The following BRPF1 variants were observed in gnomAD, a reference collection of about 807,000 sequenced individuals.
BRPF1 encodes peregrin.
BRPF1 carries 15 observed loss-of-function variants against 115.0 expected under a neutral mutation model. The observed-to-expected ratio is 0.13, with a 90% CI of 0.09 to 0.20. The LOEUF is 0.20. Among genes scored for constraint, BRPF1 ranks in the 10% least tolerant of loss-of-function variants. BRPF1 has a pLI of 1.00. For synonymous variants in BRPF1, 647 were observed against 619.8 expected (o/e 1.04, Z -0.65); for missense variants, 1,118 against 1,638.3 (o/e 0.68, Z 5.48).
rs752888049 is a variant in BRPF1 at position 9,746,314 on chromosome 3, G to A, written c.3339G>A (p.Lys1113=). Residue 1113 remains lysine (K), a synonymous_variant, in exon 13 of 14, where the codon AAG becomes AAA. Coordinates refer to ENST00000383829, the MANE Select transcript of BRPF1 (RefSeq NM_001003694.2). ...TATATCCTCAGATCATTGATCCAAA[G>A]ATGCCCCGAGAAGGTATGTTCCACC... The part of the protein sequence containing the change: ...PSYPALIIDP[K]MPREGMFHHG... 10 of 1,569,394 alleles carry A rather than the reference G, an allele frequency of 6.4e-6. No individual in the cohort carries two copies. In the African/African-American group the frequency reaches 1.4e-4, roughly 21 times the overall value.
chr3:9,741,211 T>G lies in BRPF1; in HGVS notation c.1723-97T>G, dbSNP rs1373864547. 3.5e-6 allele frequency: 5 copies of G among 1,428,022 alleles called. No homozygotes were observed. The African/African-American group carries it at 5.7e-5, about 16-fold the overall frequency. The allele number at this position is 1,428,022 out of a possible 1,614,324, so 88.5% of individuals were successfully genotyped here. On this transcript the variant is annotated intron_variant, in intron 4 of 13. Coordinates refer to ENST00000383829, the MANE Select transcript of BRPF1 (RefSeq NM_001003694.2). ...ACTACCAATAAATTACTGTGCTCCC[T>G]CTTTTGGCTTGACCTGAGTTTCCTG...
At chr3:9,740,653 A>G in intron 3 of BRPF1, 126 bp from the exon 4 acceptor site, 1 of 1,237,818 alleles carries the variant, frequency 8.1e-7, no homozygotes, top group Non-Finnish European at 1.1e-6. Context: ...CCAGAGTCCC[A>G]GGCCTTTTGG....
Position 9,747,160 on chromosome 3 carries a change from C to T in BRPF1, c.3480-6C>T, listed in dbSNP as rs1380229330. The stretch of plus-strand genomic sequence containing the variant: ...TGATTTATTTGATCTTCACCTTATC[C>T]TATAGGCAGTGGCTGCCCAGGACCA... On this transcript the variant is annotated splice_polypyrimidine_tract_variant and splice_region_variant and intron_variant, in intron 13 of 13. Transcript: ENST00000383829. This position sits in a 1 kb window ranked among gnomAD's most constrained non-coding sequence, Gnocchi z 5.6. 2 of 1,614,070 alleles carry T rather than the reference C, an allele frequency of 1.2e-6. No homozygotes were observed. Among genetic ancestry groups the T allele is most frequent in the East Asian group, 2.2e-5 (1 of 44,874 alleles).
intron 2 of BRPF1, among the ~76,000 whole-genome samples, chr3:9,735,261 C>T (rs576626034): frequency 6.6e-6 from 1 of 152,262 alleles, no homozygotes; most frequent in African/African-American, 2.4e-5. Context: ...GATCCACCCA[C>T]CTCAGCCTCC....
At position 9,745,141 on chromosome 3, in the gene BRPF1, T is replaced by C. The variant is rs2077101229; in HGVS notation, c.3054T>C (p.Ala1018=). 5 of 1,614,154 alleles carry C rather than the reference T, an allele frequency of 3.1e-6. No individual in the cohort carries two copies. In the African/African-American group the frequency reaches 6.7e-5, roughly 22 times the overall value. Residue 1018 remains alanine (A), a synonymous_variant, in exon 10 of 14, where the codon GCT becomes GCC. Coordinates refer to ENST00000383829, the MANE Select transcript of BRPF1 (RefSeq NM_001003694.2). The surrounding 1 kb of genome is among the most constrained non-coding windows in gnomAD (Gnocchi z 5.1). ...ESSSSSSSSA[A]SDRTSTTPSK... ...GCAGCAGTAGCAGTAGCAGCGCTGC[T>C]TCAGACCGGACCAGGTACCAGCCCT...
rs971945646 is a variant in BRPF1 at position 9,734,430 on chromosome 3, G to A, written c.290G>A (p.Arg97His). Residue 97 changes from arginine (R) to histidine (H), a missense_variant, in exon 2 of 14, where the codon CGC becomes CAC. Coordinates refer to ENST00000383829, the MANE Select transcript of BRPF1 (RefSeq NM_001003694.2). This position sits in a 1 kb window ranked among gnomAD's most constrained non-coding sequence, Gnocchi z 5.7. Reference protein sequence around the residue: ...REVMSYAQAQRMVEVDLHGRV... With the variant: ...REVMSYAQAQHMVEVDLHGRV... ...GTGATGAGCTATGCACAGGCCCAGC[G>A]CATGGTGGAGGTGGACTTGCATGGC... 2 of 1,614,094 alleles carry A rather than the reference G, an allele frequency of 1.2e-6. No homozygotes were observed. Among genetic ancestry groups the A allele is most frequent in the Non-Finnish European group, 1.7e-6 (2 of 1,180,034 alleles).
In BRPF1 at chr3:9,739,560, C is replaced by T. The variant is rs1486185280; in HGVS notation, c.1161C>T (p.Tyr387=). Residue 387 remains tyrosine (Y), a synonymous_variant, in exon 3 of 14, where the codon TAC becomes TAT. Coordinates refer to ENST00000383829, the MANE Select transcript of BRPF1 (RefSeq NM_001003694.2). ...IPPARWKLTC[Y]ICKQRGSGAC... is the part of the protein sequence containing the mutation. ...CAGCTCGCTGGAAGCTCACCTGCTA[C>T]ATTTGCAAACAACGGGGCTCAGGGG... 1 of 1,613,008 alleles carries T rather than the reference C, an allele frequency of 6.2e-7. No individual in the cohort carries two copies. The highest frequency in any genetic ancestry group is 1.7e-5 in the Admixed American group (1 of 59,998).
chr3:9,739,992 G>T, intron 3 of BRPF1, 34 bp downstream of exon 3: 1 of 1,521,156 alleles, frequency 6.6e-7, no homozygotes, highest in South Asian at 1.3e-5. Flanking sequence ...GCAGATGAGG[G>T]AGAAAGGAGC....
chr3:9,741,771 C>T (rs553688102), intron 5 of BRPF1, among the ~76,000 whole-genome samples: 2 of 152,220 alleles, frequency 1.3e-5, no homozygotes, highest in South Asian at 2.1e-4. Flanking sequence ...CAGAATGTCA[C>T]AGGAGCGTAT....
chr3:9,738,356 T>G (rs1000908030), intron 2 of BRPF1, among the ~76,000 whole-genome samples: 2 of 152,240 alleles, frequency 1.3e-5, no homozygotes, highest in Non-Finnish European at 2.9e-5. Context: ...ATGTAATAGT[T>G]AAGCACAATG....
rs765731566 is a variant in BRPF1, at chr3:9,741,304, A to C, written c.1723-4A>C. The C allele has an allele frequency of 3.2e-6, 5 of 1,567,720 alleles. No individual in the cohort carries two copies. The highest frequency in any genetic ancestry group is 1.9e-5 in the Admixed American group (1 of 52,398). ...ATCCTCTGATCTTCGTTTTGCCTCT[A>C]CAGAGAGATTCTGAGGATAAGAACT... On this transcript the variant is annotated splice_polypyrimidine_tract_variant and splice_region_variant and intron_variant, in intron 4 of 13. Transcript: ENST00000383829.
At chr3:9,742,318 C>T in intron 6 of BRPF1, 147 bp downstream of exon 6, 3 of 1,483,700 alleles carry the variant, frequency 2.0e-6, no homozygotes, top group Non-Finnish European at 2.7e-6. Flanking sequence ...ACATGTATCA[C>T]CTGGACTCTG....
At chr3:9,742,311 T>G in intron 6 of BRPF1, 140 bp downstream of exon 6, 1 of 1,493,660 alleles carries the variant, frequency 6.7e-7, no homozygotes, top group South Asian at 1.4e-5. Context: ...TGGAGCCACA[T>G]GTATCACCTG....
intron 2 of BRPF1, among the ~76,000 whole-genome samples, chr3:9,735,512 T>TA (rs2076925755): frequency 6.6e-6 from 1 of 152,236 alleles, no homozygotes; most frequent in Non-Finnish European, 1.5e-5. Flanking sequence ...GCAGAGCAGA[T>TA]ACGGTATTTC....
Position 9,747,216 on chromosome 3 carries a change from T to G in BRPF1, c.3530T>G (p.Leu1177Arg), listed in dbSNP as rs760760207. The change falls in exon 14 of 14, where the codon CTA (leucine) becomes CGA (arginine). Residue 1177 changes from leucine to arginine, a missense_variant. Leu to Arg is a moderately radical substitution (Grantham distance 102). Around this residue, in one of 10 missense-constraint regions of BRPF1, gnomAD observed 76 missense variants for 166.1 expected, o/e 0.46. Transcript: ENST00000383829. This position sits in a 1 kb window ranked among gnomAD's most constrained non-coding sequence, Gnocchi z 5.6. ...GTTCCTCTGGGTGTGAACCAGGACC[T>G]AGACAAGGAGAAGATGCTGGAGGGC... ...KLVPLGVNQDLDKEKMLEGRK... is the reference protein window; with the variant it reads ...KLVPLGVNQDRDKEKMLEGRK... 6.2e-7 allele frequency: 1 copy of G among 1,614,156 alleles called. No individual in the cohort carries two copies. Among genetic ancestry groups the G allele is most frequent in the Non-Finnish European group, 8.5e-7 (1 of 1,180,044 alleles).
chr3:9,746,598 C>T (rs1362963170), intron 13 of BRPF1, 144 bp downstream of exon 13: 17 of 1,027,456 alleles, frequency 1.7e-5, no homozygotes, highest in South Asian at 4.7e-5. Flanking sequence ...GTTTTTTGAG[C>T]GAAAGGGTTG....
intron 2 of BRPF1, among the ~76,000 whole-genome samples, chr3:9,735,853 A>G (rs942085719): frequency 2.8e-4 from 42 of 152,222 alleles, no homozygotes; most frequent in African/African-American, 9.9e-4. Context: ...ATCCAAGGCA[A>G]AAAAGGCATT....
chr3:9,739,104 G>T lies in BRPF1; in HGVS notation c.705G>T (p.Glu235Asp). ...TCATGAATGAGCGTCGGAAGACAGA[G>T]GGTGTAAGTCCCATCCCGCAGGAGA... ...LDIMNERRKT[E>D]GVSPIPQEIF... The change falls in exon 3 of 14, where the codon GAG (glutamate) becomes GAT (aspartate). Residue 235 changes from glutamate to aspartate, a missense_variant. Around this residue, in one of 10 missense-constraint regions of BRPF1, gnomAD observed 280 missense variants for 382.8 expected, o/e 0.73. Transcript: ENST00000383829. The T allele has an allele frequency of 1.2e-6, 2 of 1,613,892 alleles. No individual in the cohort carries two copies. Among genetic ancestry groups the T allele is most frequent in the Non-Finnish European group, 1.7e-6 (2 of 1,179,836 alleles).
intron 2 of BRPF1, among the ~76,000 whole-genome samples, chr3:9,735,864 C>A (rs556136974): frequency 1.3e-5 from 2 of 152,238 alleles, no homozygotes; most frequent in South Asian, 4.1e-4. Flanking sequence ...AAAAGGCATT[C>A]TGATGAGTTA....
Sources: allele counts gnomAD v4.1 joint callset (sites outside exome capture counted in the v4.1 genomes callset), GRCh38; gene constraint gnomAD v4.1.1; regional missense constraint gnomAD v4.1.1; non-coding constraint Gnocchi (gnomAD v3.1); transcripts MANE v1.5; gene names NCBI Gene and HGNC (gene_info 2026-07-23, HGNC 2026-07-21).